MIR2052HG: variants seen among roughly 807,000 people sequenced by gnomAD.
The protein encoded by MIR2052HG is MIR2052 host gene.
At chr8:74,735,500 C>A (rs1809736255) in intron 4 of MIR2052HG, among the ~76,000 whole-genome samples, 1 of 152,174 alleles carries the variant, frequency 6.6e-6, no homozygotes, top group East Asian at 1.9e-4. Context: ...GACATGTGCT[C>A]CCCGGGCTCC....
chr8:74,611,801 A>G (rs1808199998), intron 1 of MIR2052HG, among the ~76,000 whole-genome samples: 1 of 151,982 alleles, frequency 6.6e-6, no homozygotes, highest in Non-Finnish European at 1.5e-5. Flanking sequence ...TCCATACACC[A>G]CCTATCATGA....
At chr8:74,706,355 C>G (rs1277001974) in intron 4 of MIR2052HG, among the ~76,000 whole-genome samples, 7 of 152,142 alleles carry the variant, frequency 4.6e-5, no homozygotes, top group Admixed American at 4.6e-4. Context: ...CATGAGCAAC[C>G]CCCTCTAAGT....
intron 1 of MIR2052HG, chr8:74,603,564 G>T: frequency 6.5e-7 from 1 of 1,542,852 alleles, no homozygotes; most frequent in Non-Finnish European, 9.0e-7. Flanking sequence ...TGAATCCAGT[G>T]TTGCCATGCG....
At chr8:74,722,266 A>G (rs1045531421) in intron 4 of MIR2052HG, among the ~76,000 whole-genome samples, 3 of 152,232 alleles carry the variant, frequency 2.0e-5, no homozygotes, top group Admixed American at 6.5e-5. Context: ...CAGCCTCTGC[A>G]GAAGGCTCTT....
At chr8:74,755,717 C>G (rs1233661012) in intron 5 of MIR2052HG, among the ~76,000 whole-genome samples, 1 of 152,078 alleles carries the variant, frequency 6.6e-6, no homozygotes, top group Non-Finnish European at 1.5e-5. Flanking sequence ...AAAACATGGT[C>G]CTTATGGACA....
At chr8:74,610,359 G>T (rs1487176729) in intron 1 of MIR2052HG, among the ~76,000 whole-genome samples, 1 of 151,788 alleles carries the variant, frequency 6.6e-6, no homozygotes, top group Non-Finnish European at 1.5e-5. Context: ...CAATATTGCT[G>T]AGAAAAAATT....
At chr8:74,693,923 T>C (rs973351026) in intron 2 of MIR2052HG, among the ~76,000 whole-genome samples, 9 of 152,126 alleles carry the variant, frequency 5.9e-5, no homozygotes, top group African/African-American at 1.9e-4. Flanking sequence ...GGGGGCTCTA[T>C]GGCCCTGCCC....
intron 2 of MIR2052HG, among the ~76,000 whole-genome samples, chr8:74,633,677 G>A (rs913379338): frequency 6.6e-6 from 1 of 152,186 alleles, no homozygotes; most frequent in Non-Finnish European, 1.5e-5. Flanking sequence ...GTTTGCATGT[G>A]TACTGTTCAT....
chr8:74,671,419 G>A (rs533831251), intron 2 of MIR2052HG, among the ~76,000 whole-genome samples: 1 of 151,884 alleles, frequency 6.6e-6, no homozygotes, highest in South Asian at 2.1e-4. Flanking sequence ...TTTAGTTCTT[G>A]CAAGTCTAAT....
chr8:74,702,999 G>A (rs377006252), intron 3 of MIR2052HG, among the ~76,000 whole-genome samples: 4 of 152,060 alleles, frequency 2.6e-5, no homozygotes, highest in East Asian at 3.9e-4. Flanking sequence ...GTTCTGCAAC[G>A]TTTTGGATGT....
chr8:74,720,736 G>A (rs540433408), intron 4 of MIR2052HG, among the ~76,000 whole-genome samples: 7 of 151,982 alleles, frequency 4.6e-5, no homozygotes, highest in East Asian at 3.9e-4. Context: ...TTTGGGGGGC[G>A]GTGTGTGTGT....
intron 2 of MIR2052HG, among the ~76,000 whole-genome samples, chr8:74,637,611 T>C (rs1808597409): frequency 6.6e-6 from 1 of 152,176 alleles, no homozygotes; most frequent in South Asian, 2.1e-4. Flanking sequence ...AGAACTTTCA[T>C]GAGTATCACT....
At chr8:74,674,928 T>C (rs1809034632) in intron 2 of MIR2052HG, among the ~76,000 whole-genome samples, 1 of 151,928 alleles carries the variant, frequency 6.6e-6, no homozygotes, top group South Asian at 2.1e-4. Flanking sequence ...TGTTTACCAA[T>C]AACAGGCTTT....
intron 2 of MIR2052HG, among the ~76,000 whole-genome samples, chr8:74,690,516 C>T (rs1316379527): frequency 2.0e-5 from 3 of 151,768 alleles, no homozygotes; most frequent in African/African-American, 7.3e-5. Context: ...GTGGTGGTGG[C>T]GGGCGCCTGT....
At chr8:74,744,704 T>A (rs1279655999) in intron 4 of MIR2052HG, among the ~76,000 whole-genome samples, 3 of 152,164 alleles carry the variant, frequency 2.0e-5, no homozygotes, top group Non-Finnish European at 4.4e-5. Flanking sequence ...ATGTGCCACA[T>A]TTTCTTAATC....
chr8:74,702,849 C>T (rs1044519919), intron 3 of MIR2052HG, among the ~76,000 whole-genome samples: 2 of 152,016 alleles, frequency 1.3e-5, no homozygotes, highest in African/African-American at 2.4e-5. Context: ...AAGGAAATAA[C>T]CCAAAGGTAA....
At chr8:74,746,089 G>C (rs1809882658) in intron 4 of MIR2052HG, among the ~76,000 whole-genome samples, 1 of 152,126 alleles carries the variant, frequency 6.6e-6, no homozygotes, top group Non-Finnish European at 1.5e-5. Context: ...AATTAAGAAA[G>C]TGGTTTGATT....
Position 74,738,524 on chromosome 8 carries a change from G to A in MIR2052HG, n.372-13917G>A, listed in dbSNP as rs76454916. On this transcript the variant is annotated intron_variant and non_coding_transcript_variant, in intron 4 of 6. Transcript: ENST00000523442. ...TACTTATTTTACTAAGTGCCACCCA[G>A]TATAGTTACAGCTCTATATCAGAAG... 6.0e-3 allele frequency among the ~76,000 whole-genome samples: 913 copies of A among 152,264 alleles called. 3 individuals are homozygous for A. Among genetic ancestry groups the A allele is most frequent in the East Asian group, 0.021 (110 of 5,186 alleles).
chr8:74,619,623 C>T (rs992045500), intron 2 of MIR2052HG, among the ~76,000 whole-genome samples: 8 of 152,078 alleles, frequency 5.3e-5, no homozygotes, highest in Non-Finnish European at 8.8e-5. Flanking sequence ...AGGGGAAATG[C>T]CAGACACTTA....
Sources: allele counts gnomAD v4.1 joint callset (sites outside exome capture counted in the v4.1 genomes callset), GRCh38; gene constraint gnomAD v4.1.1; transcripts MANE v1.5; gene names NCBI Gene and HGNC (gene_info 2026-07-23, HGNC 2026-07-21).